Variants in CCNT2 observed in about 807,000 individuals in gnomAD.
CCNT2 encodes cyclin-T2.
CCNT2 carries 18 observed loss-of-function variants against 70.0 expected under a neutral mutation model. That is an observed-to-expected ratio of 0.26 (90% CI 0.18 to 0.38). CCNT2 has a LOEUF of 0.38. CCNT2 is among the 10% of genes least tolerant of loss of function. CCNT2 has a pLI of 1.00. For synonymous variants in CCNT2, 334 were observed against 313.3 expected, an observed-to-expected ratio of 1.07 and a Z score of -0.70; for missense variants, 734 against 890.2, an observed-to-expected ratio of 0.82 and a Z score of 2.23.
chr2:134,925,349 T>A (rs949693388), intron 2 of CCNT2, among the ~76,000 whole-genome samples: 2 of 152,216 alleles, frequency 1.3e-5, no homozygotes, highest in Non-Finnish European at 2.9e-5. Context: ...TTTCACCCAT[T>A]GAAAGTATGA....
chr2:134,941,714 TATAAA>T (rs1207733234), intron 4 of CCNT2, among the ~76,000 whole-genome samples: 2 of 151,958 alleles, frequency 1.3e-5, no homozygotes, highest in Non-Finnish European at 2.9e-5. Flanking sequence ...CATAAATCAT[TATAAA>T]ATATTTAGTT....
intron 2 of CCNT2, among the ~76,000 whole-genome samples, chr2:134,932,190 G>A (rs1573803270): frequency 6.8e-6 from 1 of 146,254 alleles, no homozygotes; most frequent in East Asian, 2.1e-4. Context: ...TTCACCATGT[G>A]TTAATCTTGA....
chr2:134,944,425 T>C, intron 5 of CCNT2: 1 of 967,642 alleles, frequency 1.0e-6, no homozygotes, highest in Non-Finnish European at 1.2e-6. Flanking sequence ...GTTACTGTTG[T>C]GAAATTTGAG....
Position 134,928,010 on chromosome 2 carries a change from A to G in CCNT2, c.240+8119A>G, listed in dbSNP as rs542357098. On this transcript the variant is annotated intron_variant, in intron 2 of 8. Coordinates refer to ENST00000264157, the MANE Select transcript of CCNT2 (RefSeq NM_058241.3). ...GGATGAGAACTGTAGAAGTTCACCT[A>G]TTTGTTATTAAAAGTTAAAAGTGAA... Among the ~76,000 whole-genome samples the G allele has an allele frequency of 3.3e-5, 5 of 152,320 alleles. No homozygotes were observed. In the East Asian group the frequency reaches 9.6e-4, roughly 29 times the overall value.
chr2:134,918,916 C>A lies in CCNT2; in HGVS notation c.62C>A (p.Thr21Lys). ...WFFTREQLEN[T>K]PSRRCGVEAD... ...TTTACTCGGGAACAGCTGGAGAACA[C>A]GCCGAGCCGCCGCTGCGGAGTGGAG... is the stretch of plus-strand genomic sequence containing the variant. Residue 21 changes from threonine to lysine, a missense_variant, in exon 1 of 9, where the codon ACG becomes AAG. Physicochemically the swap from Thr to Lys is moderately conservative, Grantham distance 78 (BLOSUM62 -1). Coordinates refer to ENST00000264157, the MANE Select transcript of CCNT2 (RefSeq NM_058241.3). 6.2e-7 allele frequency: 1 copy of A among 1,614,006 alleles called. No individual in the cohort carries two copies. The highest frequency in any genetic ancestry group is 8.5e-7 in the Non-Finnish European group (1 of 1,179,922).
chr2:134,953,806 G>A lies in CCNT2; in HGVS notation c.1351G>A (p.Asp451Asn), dbSNP rs761111821. The change falls in exon 9 of 9, where the codon GAT (aspartate) becomes AAT (asparagine). Residue 451 changes from aspartate (D) to asparagine (N), a missense_variant. Transcript: ENST00000264157. Reference sequence around the variant, plus strand: ...GCGTAAACTAGAAACTCTTGATCTCGATGTAAGGGATCATTATATAGCTGC... The same window carrying A: ...GCGTAAACTAGAAACTCTTGATCTCAATGTAAGGGATCATTATATAGCTGC... ...EKRKLETLDL[D>N]VRDHYIAAQV... The A allele has an allele frequency of 8.7e-6, 14 of 1,613,366 alleles. No homozygotes were observed. The highest frequency in any genetic ancestry group is 1.6e-4 in the Middle Eastern group (1 of 6,082).
At chr2:134,927,682 T>C (rs897385846) in intron 2 of CCNT2, among the ~76,000 whole-genome samples, 15 of 152,350 alleles carry the variant, frequency 9.8e-5, no homozygotes, top group African/African-American at 3.1e-4. Flanking sequence ...TTAGTATTAA[T>C]AGCTAAAATT....
chr2:134,936,684 G>A (rs1232424732), intron 2 of CCNT2, among the ~76,000 whole-genome samples, 157 bp from the exon 3 acceptor site: 3 of 151,060 alleles, frequency 2.0e-5, no homozygotes, highest in Non-Finnish European at 3.0e-5. Context: ...AACCTGGGAG[G>A]TGGAGCTTTC....
intron 2 of CCNT2, among the ~76,000 whole-genome samples, chr2:134,927,904 T>C (rs182777393): frequency 2.0e-5 from 3 of 152,338 alleles, no homozygotes; most frequent in Non-Finnish European, 4.4e-5. Flanking sequence ...TATTACATAC[T>C]CTTTATATGG....
intron 4 of CCNT2, 61 bp downstream of exon 4, chr2:134,939,123 G>A (rs1681375490): frequency 9.1e-7 from 1 of 1,102,084 alleles, no homozygotes. Flanking sequence ...TTCTAAATAA[G>A]TGAAAAGATT....
In CCNT2 at chr2:134,925,131, C is replaced by A. The variant is rs546897122; in HGVS notation, c.240+5240C>A. On this transcript the variant is annotated intron_variant, in intron 2 of 8. Coordinates refer to ENST00000264157, the MANE Select transcript of CCNT2 (RefSeq NM_058241.3). ...CAGAAGGTCTAAAGTCTGGTTGTCT[C>A]TCTTTGTAGTGTTAGTGGCTGCTGA... is the stretch of plus-strand genomic sequence containing the variant. Among the ~76,000 whole-genome samples the A allele has an allele frequency of 2.6e-5, 4 of 152,296 alleles. No individual in the cohort carries two copies. The East Asian group carries it at 7.7e-4, about 29-fold the overall frequency.
In CCNT2 at chr2:134,918,927, C is replaced by T. The variant is rs1331158559; in HGVS notation, c.73C>T (p.Arg25Cys). The stretch of plus-strand genomic sequence containing the variant: ...ACAGCTGGAGAACACGCCGAGCCGC[C>T]GCTGCGGAGTGGAGGCGGATAAAGA... ...REQLENTPSRRCGVEADKELS... is the reference protein window; with the variant it reads ...REQLENTPSRCCGVEADKELS... Residue 25 changes from arginine to cysteine, a missense_variant, in exon 1 of 9, where the codon CGC becomes TGC. Arg to Cys is a radical substitution (Grantham distance 180, BLOSUM62 -3). This residue lies in a region of CCNT2 where 161 missense variants were observed against 303.8 expected (regional missense o/e 0.53). Coordinates refer to ENST00000264157, the MANE Select transcript of CCNT2 (RefSeq NM_058241.3). The T allele has an allele frequency of 6.2e-7, 1 of 1,613,966 alleles. No homozygotes were observed. The highest frequency in any genetic ancestry group is 1.3e-5 in the African/African-American group (1 of 74,948).
intron 2 of CCNT2, 100 bp from the exon 3 acceptor site, chr2:134,936,741 C>A: frequency 9.5e-7 from 1 of 1,052,308 alleles, no homozygotes; most frequent in South Asian, 1.6e-5. Flanking sequence ...GCAACAGGAG[C>A]GAAACTCCAC....
chr2:134,934,693 C>T (rs1681023324), intron 2 of CCNT2, among the ~76,000 whole-genome samples: 1 of 152,148 alleles, frequency 6.6e-6, no homozygotes, highest in Admixed American at 6.6e-5. Context: ...GTGGATTTCA[C>T]CAGGAACTTT....
At chr2:134,945,244 A>G (rs1311600608) in intron 5 of CCNT2, 7 of 985,254 alleles carry the variant, frequency 7.1e-6, no homozygotes, top group Admixed American at 6.2e-5. Context: ...AAATTTGAGG[A>G]CGGTTAGAGG....
chr2:134,954,174 CA>C lies in CCNT2; in HGVS notation c.1721del (p.Lys574SerfsTer26). 1 of 1,614,206 alleles carries C rather than the reference CA, an allele frequency of 6.2e-7. No homozygotes were observed. Among genetic ancestry groups the C allele is most frequent in the Non-Finnish European group, 8.5e-7 (1 of 1,180,042 alleles). On this transcript the variant is annotated frameshift_variant, in exon 9 of 9. Coordinates refer to ENST00000264157, the MANE Select transcript of CCNT2 (RefSeq NM_058241.3). LOFTEE classifies it high-confidence loss of function. ...PSSRHHTSSH[K>X]HSHSHSGSSS... ...CAAGCCGCCACCACACCAGCAGCCA[CA>C]AGCATTCCCACTCGCATAGTGGCAG...
intron 5 of CCNT2, chr2:134,945,242 G>A (rs1348886627): frequency 1.0e-5 from 10 of 985,290 alleles, no homozygotes; most frequent in African/African-American, 1.7e-5. Context: ...AGAAATTTGA[G>A]GACGGTTAGA....
intron 5 of CCNT2, chr2:134,943,258 G>A: frequency 5.5e-6 from 2 of 366,704 alleles, no homozygotes; most frequent in Non-Finnish European, 7.6e-6. Flanking sequence ...AAAATTAGCT[G>A]GTTGTGGTGG....
chr2:134,927,418 T>G (rs1680373528), intron 2 of CCNT2, among the ~76,000 whole-genome samples: 1 of 152,228 alleles, frequency 6.6e-6, no homozygotes, highest in South Asian at 2.1e-4. Flanking sequence ...TGGTCCTGGC[T>G]CATCCTTTTT....
Sources: gnomAD v4.1 joint callset for allele counts (sites outside exome capture counted in the v4.1 genomes callset) on GRCh38, gnomAD v4.1.1 for gene constraint, gnomAD v4.1.1 regional missense constraint, MANE v1.5 for transcripts, NCBI Gene and HGNC (gene_info 2026-07-23, HGNC 2026-07-21) for gene names.